Variants in DGKD observed in about 807,000 individuals in gnomAD.
DGKD encodes diacylglycerol kinase delta.
A neutral mutation model predicts 154.4 loss-of-function variants in DGKD; 68 were observed. The ratio of observed to expected loss-of-function variants is 0.44; its 90% confidence interval spans 0.36 to 0.54. The LOEUF is 0.54. Among genes scored for constraint, DGKD ranks in the 20% least tolerant of loss-of-function variants. The pLI, the probability that DGKD is intolerant of heterozygous loss-of-function variation, is 0.00. For missense variants in DGKD, 1,343 were observed against 1,593.6 expected, an observed-to-expected ratio of 0.84 and a Z score of 2.68; for synonymous variants, 693 against 638.0, an observed-to-expected ratio of 1.09 and a Z score of -1.30.
chr2:233,387,411 G>C (rs946629378), intron 1 of DGKD, among the ~76,000 whole-genome samples: 3 of 152,168 alleles, frequency 2.0e-5, no homozygotes, highest in Admixed American at 2.0e-4. Context: ...CCAGGTTCTT[G>C]TCTTCATGCT....
chr2:233,416,538 C>A (rs2061964900), intron 3 of DGKD, among the ~76,000 whole-genome samples: 1 of 152,180 alleles, frequency 6.6e-6, no homozygotes, highest in East Asian at 1.9e-4. Flanking sequence ...TTGTTACTTT[C>A]CTCTTGATAC....
chr2:233,451,173 A>T, intron 17 of DGKD, 123 bp downstream of exon 17: 58 of 837,882 alleles, frequency 6.9e-5, no homozygotes, highest in East Asian at 7.1e-5. Flanking sequence ...GATAGGTGGA[A>T]TTGAAAAATT....
chr2:233,369,076 T>C (rs2125394108), intron 1 of DGKD, among the ~76,000 whole-genome samples: 1 of 152,344 alleles, frequency 6.6e-6, no homozygotes. Context: ...CCTCATAAAG[T>C]GAGTTGGGTA....
At chr2:233,432,510 T>C (rs1430586975) in intron 3 of DGKD, among the ~76,000 whole-genome samples, 1 of 152,124 alleles carries the variant, frequency 6.6e-6, no homozygotes. Context: ...ATACAAAAAA[T>C]TAGCTGGGTG....
At position 233,460,175 on chromosome 2, in the gene DGKD, T is replaced by G. The variant is rs2290464; in HGVS notation, c.2830-19T>G. Reference sequence around the variant, plus strand: ...CATGCTTCAGAGCAGCAGGTGTAATTGGGCTTTCGGGTCCATAGGCATTTG... The same window carrying G: ...CATGCTTCAGAGCAGCAGGTGTAATGGGGCTTTCGGGTCCATAGGCATTTG... On this transcript the variant is annotated intron_variant, in intron 23 of 29. Transcript: ENST00000264057. The G allele has an allele frequency of 6.2e-7, 1 of 1,611,950 alleles. No individual in the cohort carries two copies. The highest frequency in any genetic ancestry group is 1.3e-5 in the African/African-American group (1 of 74,516).
At position 233,449,143 on chromosome 2, in the gene DGKD, C is replaced by A; in HGVS notation, c.1655C>A (p.Thr552Asn). 6.2e-7 allele frequency: 1 copy of A among 1,609,132 alleles called. No homozygotes were observed. Among genetic ancestry groups the A allele is most frequent in the Non-Finnish European group, 8.5e-7 (1 of 1,176,166 alleles). Residue 552 changes from threonine to asparagine, a missense_variant, in exon 15 of 30, where the codon ACC (threonine) becomes AAC (asparagine). Physicochemically the swap from Thr to Asn is moderately conservative, Grantham distance 65. Coordinates refer to ENST00000264057, the MANE Select transcript of DGKD (RefSeq NM_152879.3). This position sits in a 1 kb window ranked among gnomAD's most constrained non-coding sequence, Gnocchi z 5.3. ...LKEKLDSLLK[T>N]LDDESQASSS... ...GAGAAGCTGGATTCCCTTCTCAAGA[C>A]CTTGGACGATGAGTCCCAGGCCTCG...
chr2:233,444,212 A>G (rs1391398223), intron 10 of DGKD, among the ~76,000 whole-genome samples: 1 of 151,626 alleles, frequency 6.6e-6, no homozygotes, highest in African/African-American at 2.4e-5. Flanking sequence ...AACATCATCC[A>G]TCTAGATGTC....
intron 1 of DGKD, among the ~76,000 whole-genome samples, chr2:233,387,673 AGAG>A (rs1703273502): frequency 6.6e-6 from 1 of 152,036 alleles, no homozygotes; most frequent in African/African-American, 2.4e-5. Context: ...TTTCGGGTTG[AGAG>A]GAGTTTTAGT....
chr2:233,398,181 T>A (rs559231447), intron 3 of DGKD, among the ~76,000 whole-genome samples: 1 of 149,808 alleles, frequency 6.7e-6, no homozygotes, highest in Non-Finnish European at 1.5e-5. Context: ...CTCGCTCTGT[T>A]GCCCAGGCTG....
At position 233,438,264 on chromosome 2, in the gene DGKD, G is replaced by C; in HGVS notation, c.970G>C (p.Val324Leu). The C allele has an allele frequency of 1.2e-6, 2 of 1,614,190 alleles. No individual in the cohort carries two copies. Among genetic ancestry groups the C allele is most frequent in the Non-Finnish European group, 1.7e-6 (2 of 1,180,032 alleles). The change falls in exon 9 of 30, where the codon GTC (valine) becomes CTC (leucine). Residue 324 changes from valine (V) to leucine (L), a missense_variant. Around this residue, in one of 6 missense-constraint regions of DGKD, gnomAD observed 332 missense variants for 400.1 expected, o/e 0.83. Coordinates refer to ENST00000264057, the MANE Select transcript of DGKD (RefSeq NM_152879.3). This position sits in a 1 kb window ranked among gnomAD's most constrained non-coding sequence, Gnocchi z 4.1. ...TCCTTCTTGCACAAGCCCACTGTTGGTCTTCGTCAATTCAAAAAGTGGGGA... is the reference window on the plus strand; with the variant it reads ...TCCTTCTTGCACAAGCCCACTGTTGCTCTTCGTCAATTCAAAAAGTGGGGA... ...CPPSCTSPLL[V>L]FVNSKSGDNQ...
At chr2:233,382,031 C>T (rs1161978793) in intron 1 of DGKD, among the ~76,000 whole-genome samples, 7 of 152,238 alleles carry the variant, frequency 4.6e-5, no homozygotes, top group Admixed American at 2.0e-4. Flanking sequence ...GTCAGGAGTT[C>T]GAGACCAGCC....
intron 3 of DGKD, 83 bp downstream of exon 3, chr2:233,390,566 C>G: frequency 1.0e-6 from 1 of 979,826 alleles, no homozygotes; most frequent in Non-Finnish European, 1.6e-6. Context: ...CCAAGCAGTT[C>G]AAACGTTTTC....
chr2:233,394,690 C>CTTTTTTTTTTTTTTTTTTTTTTT (rs1703879704), intron 3 of DGKD, among the ~76,000 whole-genome samples: 2 of 83,250 alleles, frequency 2.4e-5, no homozygotes, highest in African/African-American at 8.8e-5. Context: ...AATTTAATTC[C>CTTTTTTTTTTTTTTTTTTTTTTT]CTTTTTTTTT....
At chr2:233,442,441 A>ATG in intron 10 of DGKD, 1 of 306,866 alleles carries the variant, frequency 3.3e-6, no homozygotes, top group Non-Finnish European at 6.5e-6. Context: ...GTGTATAAAA[A>ATG]TGTTCATATA....
intron 3 of DGKD, among the ~76,000 whole-genome samples, chr2:233,392,902 A>T (rs1451937900): frequency 6.6e-6 from 1 of 152,112 alleles, no homozygotes; most frequent in African/African-American, 2.4e-5. Context: ...TGCATTTCTA[A>T]TTTTATTAGT....
rs1302440739 is a variant in DGKD at position 233,445,765 on chromosome 2, G to T, written c.1334+3G>T. The T allele has an allele frequency of 6.2e-7, 1 of 1,609,162 alleles. No homozygotes were observed. The highest frequency in any genetic ancestry group is 8.5e-7 in the Non-Finnish European group (1 of 1,177,488). On this transcript the variant is annotated splice_donor_region_variant and intron_variant, in intron 11 of 29. Coordinates refer to ENST00000264057, the MANE Select transcript of DGKD (RefSeq NM_152879.3). This position sits in a 1 kb window ranked among gnomAD's most constrained non-coding sequence, Gnocchi z 5.5. ...GCCAGCACCAAGATGCTGGACAGGT[G>T]AGTGGGGATGTGCTCCGGTGCCGTA... is the stretch of plus-strand genomic sequence containing the variant.
At chr2:233,397,690 A>G (rs2061452843) in intron 3 of DGKD, among the ~76,000 whole-genome samples, 1 of 152,152 alleles carries the variant, frequency 6.6e-6, no homozygotes, top group Non-Finnish European at 1.5e-5. Context: ...TGAAATTCTC[A>G]GATTTGCAGG....
intron 3 of DGKD, among the ~76,000 whole-genome samples, chr2:233,394,954 G>A (rs1203157854): frequency 6.6e-6 from 1 of 151,742 alleles, no homozygotes; most frequent in African/African-American, 2.4e-5. Flanking sequence ...GATCTGTCTT[G>A]GTGTCCTAAA....
chr2:233,464,238 A>C lies in DGKD; in HGVS notation c.3261A>C (p.Ala1087=), dbSNP rs747422434. 3.7e-6 allele frequency: 6 copies of C among 1,613,634 alleles called. No homozygotes were observed. The South Asian group carries it at 6.6e-5, about 18-fold the overall frequency. Residue 1087 remains alanine (A), a synonymous_variant, in exon 27 of 30, where the codon GCA becomes GCC. Transcript: ENST00000264057. ...AEMDRQLRRL[A]DTPWLCQSAE... ...TGGACCGACAGCTCAGGAGGCTGGC[A>C]GACACCCCGTGGCTCTGCCAGTCCG...
Sources: gnomAD v4.1 joint callset for allele counts (sites outside exome capture counted in the v4.1 genomes callset) on GRCh38, gnomAD v4.1.1 for gene constraint, gnomAD v4.1.1 regional missense constraint, Gnocchi (gnomAD v3.1) non-coding constraint, MANE v1.5 for transcripts, NCBI Gene and HGNC (gene_info 2026-07-23, HGNC 2026-07-21) for gene names.